CACUL1: variants seen among roughly 807,000 people sequenced by gnomAD.
The protein encoded by CACUL1 is CDK2-associated and cullin domain-containing protein 1.
A neutral mutation model predicts 45.2 loss-of-function variants in CACUL1; 13 were observed. That is an observed-to-expected ratio of 0.29 (90% CI 0.19 to 0.46). CACUL1 has a LOEUF of 0.46. Ranked by LOEUF, CACUL1 falls within the 20% of genes least tolerant of loss-of-function variation. The probability of loss-of-function intolerance (pLI) is 1.00; values close to 1 mark genes in which losing one functional copy is unlikely to be tolerated. For synonymous variants in CACUL1, 197 were observed against 174.2 expected, an observed-to-expected ratio of 1.13 and a Z score of -1.03; for missense variants, 421 against 471.4, an observed-to-expected ratio of 0.89 and a Z score of 0.99.
intron 5 of CACUL1, among the ~76,000 whole-genome samples, chr10:118,698,153 T>TA (rs1845341075): frequency 6.6e-6 from 1 of 151,618 alleles, no homozygotes; most frequent in African/African-American, 2.4e-5. Flanking sequence ...TTTTGCTTTT[T>TA]TTTTTTTTTT....
chr10:118,715,691 C>T (rs1475094991), intron 3 of CACUL1, among the ~76,000 whole-genome samples: 1 of 152,128 alleles, frequency 6.6e-6, no homozygotes, highest in Non-Finnish European at 1.5e-5. Context: ...TATCCCTCCT[C>T]CTCTACCTAC....
chr10:118,745,010 T>A (rs1222547031), intron 1 of CACUL1, among the ~76,000 whole-genome samples: 1 of 152,102 alleles, frequency 6.6e-6, no homozygotes, highest in Non-Finnish European at 1.5e-5. Context: ...AATGACAGTG[T>A]ATTTGGGGAA....
Position 118,754,532 on chromosome 10 carries a change from C to T in CACUL1, c.231G>A (p.Gly77=). 1 of 1,612,962 alleles carries T rather than the reference C, an allele frequency of 6.2e-7. No individual in the cohort carries two copies. ...CATTAGCCTCCGGCGGTGGCTGCGG[C>T]CCCATCGGGAGCCCCTCCTTGGGGC... ...RKGPKEGLPM[G]PQPPPEANGV... is the part of the protein sequence containing the mutation. Residue 77 remains glycine, a synonymous_variant, in exon 1 of 9, where the codon GGG becomes GGA. Coordinates refer to ENST00000369151, the MANE Select transcript of CACUL1 (RefSeq NM_153810.5).
At chr10:118,711,022 G>T (rs1023249845) in intron 3 of CACUL1, among the ~76,000 whole-genome samples, 1 of 152,190 alleles carries the variant, frequency 6.6e-6, no homozygotes, top group African/African-American at 2.4e-5. Context: ...TATGCAACTA[G>T]TAAGTAAACT....
intron 1 of CACUL1, among the ~76,000 whole-genome samples, chr10:118,746,394 T>C (rs973193946): frequency 2.6e-5 from 4 of 152,162 alleles, no homozygotes; most frequent in Non-Finnish European, 4.4e-5. Flanking sequence ...GCCAACACAA[T>C]TGGATATCCA....
At position 118,754,294 on chromosome 10, in the gene CACUL1, A is replaced by C; in HGVS notation, c.367+102T>G. The C allele has an allele frequency of 4.9e-6, 7 of 1,418,856 alleles. No individual in the cohort carries two copies. The South Asian group carries it at 1.1e-4, about 22-fold the overall frequency. 87.9% of individuals were successfully genotyped at this position (1,418,856 alleles called of 1,614,324 possible). On this transcript the variant is annotated intron_variant, in intron 1 of 8. Coordinates refer to ENST00000369151, the MANE Select transcript of CACUL1 (RefSeq NM_153810.5). The stretch of plus-strand genomic sequence containing the variant: ...CGGACGGGGAGAAGAGGAAAGACCG[A>C]GGCCTGAAACAAAGGAAGCGGAGCT...
chr10:118,699,414 T>C (rs188753398), intron 5 of CACUL1, among the ~76,000 whole-genome samples: 41 of 152,356 alleles, frequency 2.7e-4, no homozygotes, highest in Non-Finnish European at 5.0e-4. Context: ...TGGACTACTA[T>C]ATTCTCTCTT....
chr10:118,743,934 G>C lies in CACUL1; in HGVS notation c.367+10462C>G, dbSNP rs1483531778. 3.3e-5 allele frequency among the ~76,000 whole-genome samples: 5 copies of C among 151,982 alleles called. No homozygotes were observed. The South Asian group carries it at 1.0e-3, about 31-fold the overall frequency. ...GAACTACATTATAAGAAATATTAAA[G>C]GAAGTTCTAAAGAGGGAAGAAAAAT... On this transcript the variant is annotated intron_variant, in intron 1 of 8. Transcript: ENST00000369151.
intron 1 of CACUL1, among the ~76,000 whole-genome samples, chr10:118,733,915 G>A (rs1845719944): frequency 6.6e-6 from 1 of 152,136 alleles, no homozygotes; most frequent in Non-Finnish European, 1.5e-5. Context: ...TACTCGGGAG[G>A]CTGAGGCAGG....
intron 7 of CACUL1, 24 bp from the exon 8 acceptor site, chr10:118,686,665 A>G (rs772060067): frequency 1.3e-6 from 2 of 1,582,442 alleles, no homozygotes; most frequent in Admixed American, 3.3e-5. Flanking sequence ...GAGGCAGTCA[A>G]CAAAACTGAC....
At chr10:118,691,888 A>T (rs1845274446) in intron 6 of CACUL1, among the ~76,000 whole-genome samples, 1 of 150,862 alleles carries the variant, frequency 6.6e-6, no homozygotes, top group African/African-American at 2.4e-5. Flanking sequence ...AAAAAAAAAA[A>T]AAGAAAAAGA....
chr10:118,729,268 C>A (rs755211202), intron 3 of CACUL1, 27 bp downstream of exon 3: 1 of 1,561,408 alleles, frequency 6.4e-7, no homozygotes, highest in Non-Finnish European at 8.8e-7. Context: ...CCCAAGGAAG[C>A]AAAAATCAAT....
At chr10:118,717,841 AAG>A (rs1845562248) in intron 3 of CACUL1, among the ~76,000 whole-genome samples, 1 of 152,168 alleles carries the variant, frequency 6.6e-6, no homozygotes, top group Non-Finnish European at 1.5e-5. Context: ...GGGGCAGTGA[AAG>A]AAATCTGAGA....
At chr10:118,702,069 T>G (rs1242049631) in intron 4 of CACUL1, among the ~76,000 whole-genome samples, 2 of 152,278 alleles carry the variant, frequency 1.3e-5, no homozygotes, top group Admixed American at 1.3e-4. Context: ...GGTTTCTGCC[T>G]TAACTGAGGA....
At chr10:118,739,544 A>C (rs1845772665) in intron 1 of CACUL1, among the ~76,000 whole-genome samples, 1 of 152,304 alleles carries the variant, frequency 6.6e-6, no homozygotes, top group East Asian at 1.9e-4. Context: ...CAAACTATCA[A>C]TCAAGTGTGA....
intron 1 of CACUL1, among the ~76,000 whole-genome samples, chr10:118,752,911 A>T (rs1845911084): frequency 6.6e-6 from 1 of 151,714 alleles, no homozygotes; most frequent in African/African-American, 2.4e-5. Context: ...ATTTGTAGTT[A>T]TTTTCCATTT....
chr10:118,697,400 T>C (rs17097967), intron 5 of CACUL1, among the ~76,000 whole-genome samples: 7,335 of 152,332 alleles, frequency 0.048, 478 homozygotes, highest in African/African-American at 0.15. Context: ...AAATGCTTGC[T>C]TATACGCAAC....
At chr10:118,730,200 T>C in intron 2 of CACUL1, 84 bp downstream of exon 2, 1 of 1,377,180 alleles carries the variant, frequency 7.3e-7, no homozygotes, top group South Asian at 1.2e-5. Context: ...GCATTCTACA[T>C]TACATGTTTG....
intron 5 of CACUL1, 94 bp from the exon 6 acceptor site, chr10:118,695,324 A>G: frequency 1.3e-6 from 1 of 747,920 alleles, no homozygotes; most frequent in Non-Finnish European, 2.4e-6. Flanking sequence ...TGAAACATAA[A>G]CAATTGTAAG....
Sources: allele counts gnomAD v4.1 joint callset (sites outside exome capture counted in the v4.1 genomes callset), GRCh38; gene constraint gnomAD v4.1.1; transcripts MANE v1.5; gene names NCBI Gene and HGNC (gene_info 2026-07-23, HGNC 2026-07-21).